Variants in PDCD1LG2 observed in about 807,000 individuals in gnomAD.
PDCD1LG2 encodes the protein programmed cell death 1 ligand 2.
PDCD1LG2 carries 32 observed loss-of-function variants against 28.2 expected under a neutral mutation model. That is an observed-to-expected ratio of 1.13 (90% CI 0.86 to 1.52). The LOEUF (loss-of-function observed/expected upper bound fraction) is 1.52. Among genes scored for constraint, PDCD1LG2 ranks in the 40% most tolerant of loss-of-function variants. The probability of loss-of-function intolerance (pLI) is 0.00; values close to 1 mark genes in which losing one functional copy is unlikely to be tolerated. For missense variants in PDCD1LG2, 385 were observed against 323.8 expected (o/e 1.19, Z -1.45); for synonymous variants, 116 against 120.2 (o/e 0.97, Z 0.23).
At chr9:5,516,584 G>T (rs1049599359) in intron 1 of PDCD1LG2, among the ~76,000 whole-genome samples, 1 of 152,182 alleles carries the variant, frequency 6.6e-6, no homozygotes, top group African/African-American at 2.4e-5. Context: ...CCATCAACAT[G>T]CTGTCCATGA....
chr9:5,552,317 G>A (rs1485994399), intron 4 of PDCD1LG2, among the ~76,000 whole-genome samples: 1 of 152,126 alleles, frequency 6.6e-6, no homozygotes, highest in African/African-American at 2.4e-5. Flanking sequence ...AAGAGCTCAA[G>A]GTGGCCAGGC....
rs34626357 is a variant in PDCD1LG2, at chr9:5,553,374, T to TC, written c.631+3774dup. Among the ~76,000 whole-genome samples the TC allele has an allele frequency of 1.1e-4, 16 of 152,336 alleles. 2 individuals carry two copies. In the South Asian group the frequency reaches 2.1e-3, roughly 20 times the overall value. On this transcript the variant is annotated intron_variant, in intron 4 of 6. Transcript: ENST00000397747. ...ATGAGCAATCCCACGAGAACTTTTT[T>TC]CCCCTGGAATTGTTTATTCAACTGT...
At chr9:5,534,146 A>G (rs567578434) in intron 2 of PDCD1LG2, among the ~76,000 whole-genome samples, 77 of 152,232 alleles carry the variant, frequency 5.1e-4, no homozygotes, top group African/African-American at 1.8e-3. Context: ...TCTGGGAAGA[A>G]GCTCAGTGAG....
intron 2 of PDCD1LG2, among the ~76,000 whole-genome samples, chr9:5,523,773 C>T (rs16923201): frequency 0.11 from 17,035 of 152,186 alleles, 1,052 homozygotes; most frequent in African/African-American, 0.17. Flanking sequence ...ACACTGTTCC[C>T]CATCCTGTGG....
chr9:5,567,372 C>A (rs1816686320), intron 6 of PDCD1LG2, among the ~76,000 whole-genome samples: 1 of 152,250 alleles, frequency 6.6e-6, no homozygotes, highest in African/African-American at 2.4e-5. Context: ...CTGTGACACA[C>A]TGCCCTTTCC....
intron 3 of PDCD1LG2, among the ~76,000 whole-genome samples, chr9:5,543,644 T>A (rs570617333): frequency 6.6e-6 from 1 of 151,178 alleles, no homozygotes; most frequent in African/African-American, 2.4e-5. Flanking sequence ...AAAAGACAAC[T>A]GTACGTTTAA....
At position 5,557,280 on chromosome 9, in the gene PDCD1LG2, G is replaced by GA. The variant is rs1398119782; in HGVS notation, c.632-331dup. Among the ~76,000 whole-genome samples, 23 of 152,054 alleles carry GA rather than the reference G, an allele frequency of 1.5e-4. No homozygotes were observed. In the East Asian group the frequency reaches 1.7e-3, roughly 11 times the overall value. On this transcript the variant is annotated intron_variant, in intron 4 of 6. Transcript: ENST00000397747. ...AGATGGATGGATTGATGGATGGATG[G>GA]AAAAAAATAACATGAGAGAGTGGTA...
chr9:5,544,276 C>T (rs1404252864), intron 3 of PDCD1LG2, among the ~76,000 whole-genome samples: 2 of 152,172 alleles, frequency 1.3e-5, no homozygotes, highest in Non-Finnish European at 2.9e-5. Flanking sequence ...TAGCAGAAAG[C>T]TGCTCCTACC....
At chr9:5,522,042 T>G (rs1820285040) in intron 1 of PDCD1LG2, among the ~76,000 whole-genome samples, 1 of 152,234 alleles carries the variant, frequency 6.6e-6, no homozygotes, top group South Asian at 2.1e-4. Context: ...TCAAAAGCAC[T>G]TGACTACTTT....
chr9:5,519,903 A>T (rs1820242196), intron 1 of PDCD1LG2, among the ~76,000 whole-genome samples: 1 of 152,228 alleles, frequency 6.6e-6, no homozygotes, highest in South Asian at 2.1e-4. Context: ...GCCTGTCAGC[A>T]GTTCCCTTCA....
intron 5 of PDCD1LG2, among the ~76,000 whole-genome samples, chr9:5,561,198 A>T (rs1343517505): frequency 6.6e-6 from 1 of 152,222 alleles, no homozygotes; most frequent in East Asian, 1.9e-4. Flanking sequence ...CATCAGTCAC[A>T]TCTTAAGTAT....
At chr9:5,563,328 A>G in intron 6 of PDCD1LG2, 117 bp downstream of exon 6, 1 of 868,252 alleles carries the variant, frequency 1.2e-6, no homozygotes, top group Non-Finnish European at 1.8e-6. Context: ...TCCAGCTTAT[A>G]GAATCTTCCT....
chr9:5,543,487 A>G (rs1201371968), intron 3 of PDCD1LG2, among the ~76,000 whole-genome samples: 1 of 149,142 alleles, frequency 6.7e-6, no homozygotes, highest in Admixed American at 6.9e-5. Flanking sequence ...TGCAATGAGC[A>G]GAGGTCGCAC....
At chr9:5,548,255 T>C (rs1224037475) in intron 3 of PDCD1LG2, among the ~76,000 whole-genome samples, 1 of 152,242 alleles carries the variant, frequency 6.6e-6, no homozygotes, top group Non-Finnish European at 1.5e-5. Context: ...ATACATTATC[T>C]GTCTTTTTGT....
intron 3 of PDCD1LG2, among the ~76,000 whole-genome samples, chr9:5,539,572 G>C (rs1004036726): frequency 6.6e-6 from 1 of 152,246 alleles, no homozygotes; most frequent in Non-Finnish European, 1.5e-5. Flanking sequence ...AAGGACTGTG[G>C]TTTCTGAAAA....
At chr9:5,542,030 A>G (rs55755011) in intron 3 of PDCD1LG2, among the ~76,000 whole-genome samples, 25,340 of 152,204 alleles carry the variant, frequency 0.17, 2,737 homozygotes, top group Middle Eastern at 0.27. Context: ...ATAAAGCCAA[A>G]TACTTATAGC....
chr9:5,552,111 G>C (rs1250533894), intron 4 of PDCD1LG2, among the ~76,000 whole-genome samples: 1 of 152,120 alleles, frequency 6.6e-6, no homozygotes, highest in Non-Finnish European at 1.5e-5. Context: ...TAACAGACTG[G>C]GGTTGTTGCA....
At chr9:5,558,016 G>C (rs775139341) in intron 5 of PDCD1LG2, among the ~76,000 whole-genome samples, 7 of 152,208 alleles carry the variant, frequency 4.6e-5, no homozygotes, top group Non-Finnish European at 8.8e-5. Context: ...TTTGAGCCAA[G>C]AGCTTTCATC....
intron 4 of PDCD1LG2, among the ~76,000 whole-genome samples, chr9:5,554,506 C>T (rs779761864): frequency 1.3e-5 from 2 of 152,164 alleles, no homozygotes; most frequent in Non-Finnish European, 2.9e-5. Context: ...CAAGCTTCTC[C>T]GGAAGTCAAT....
Sources: allele counts gnomAD v4.1 joint callset (sites outside exome capture counted in the v4.1 genomes callset), GRCh38; gene constraint gnomAD v4.1.1; transcripts MANE v1.5; gene names NCBI Gene and HGNC (gene_info 2026-07-23, HGNC 2026-07-21).